The following DPP10 variants were observed in gnomAD, a reference collection of about 807,000 sequenced individuals.
DPP10 encodes inactive dipeptidyl peptidase 10.
DPP10 carries 33 observed loss-of-function variants against 120.9 expected under a neutral mutation model. The observed-to-expected ratio is 0.27, with a 90% CI of 0.21 to 0.37. DPP10 has a LOEUF of 0.37. DPP10 is among the 10% of genes least tolerant of loss of function. The probability of loss-of-function intolerance (pLI) is 1.00; values close to 1 mark genes in which losing one functional copy is unlikely to be tolerated. For synonymous variants in DPP10, 337 were observed against 326.1 expected (o/e 1.03, Z -0.36); for missense variants, 816 against 942.8 (o/e 0.87, Z 1.76).
At chr2:114,889,272 G>C (rs1019036254) in intron 1 of DPP10, among the ~76,000 whole-genome samples, 3 of 152,198 alleles carry the variant, frequency 2.0e-5, no homozygotes, top group East Asian at 1.9e-4. Context: ...TGTTCACACT[G>C]TCTCCAGCAC....
At chr2:114,905,013 A>G (rs778168605) in intron 1 of DPP10, among the ~76,000 whole-genome samples, 19 of 152,082 alleles carry the variant, frequency 1.2e-4, no homozygotes, top group Non-Finnish European at 1.8e-4. Flanking sequence ...ATTTCTAGAT[A>G]TTTTTTATTT....
intron 5 of DPP10, among the ~76,000 whole-genome samples, chr2:115,528,091 GATGGCTGGGTCAAATGA>G (rs2078241637): frequency 6.6e-6 from 1 of 152,008 alleles, no homozygotes; most frequent in East Asian, 1.9e-4. Context: ...CCAGTAATGG[GATGGCTGGGTCAAATGA>G]TATTTCTAGT....
intron 11 of DPP10, among the ~76,000 whole-genome samples, chr2:115,757,834 A>G (rs185810523): frequency 1.9e-3 from 294 of 152,282 alleles, no homozygotes; most frequent in Non-Finnish European, 3.4e-3. Context: ...AGAAAAAGCA[A>G]TTGACAATAT....
chr2:114,775,154 T>C (rs1307943540), intron 1 of DPP10, among the ~76,000 whole-genome samples: 1 of 152,102 alleles, frequency 6.6e-6, no homozygotes, highest in Non-Finnish European at 1.5e-5. Context: ...AAGAATTATA[T>C]CTGCAAAATC....
At chr2:115,067,131 T>C (rs1706906718) in intron 1 of DPP10, among the ~76,000 whole-genome samples, 1 of 152,180 alleles carries the variant, frequency 6.6e-6, no homozygotes, top group African/African-American at 2.4e-5. Context: ...GTTTTTAAGA[T>C]TGTATATGTG....
chr2:115,584,540 T>C (rs1237133298), intron 5 of DPP10, among the ~76,000 whole-genome samples: 2 of 152,224 alleles, frequency 1.3e-5, no homozygotes, highest in Admixed American at 1.3e-4. Flanking sequence ...ATTTACTGTC[T>C]GTCTCTTCAC....
intron 5 of DPP10, among the ~76,000 whole-genome samples, chr2:115,558,691 T>A (rs1046688927): frequency 6.6e-6 from 1 of 151,626 alleles, no homozygotes; most frequent in South Asian, 2.1e-4. Context: ...TAAAAAAAAA[T>A]TACTCTGGGG....
At chr2:115,308,958 A>G (rs1238396181) in intron 1 of DPP10, among the ~76,000 whole-genome samples, 1 of 152,082 alleles carries the variant, frequency 6.6e-6, no homozygotes, top group Non-Finnish European at 1.5e-5. Context: ...TATTTTGGCT[A>G]TCATCCTGGT....
intron 1 of DPP10, among the ~76,000 whole-genome samples, chr2:115,122,373 C>T (rs1056670253): frequency 1.2e-4 from 18 of 152,198 alleles, no homozygotes; most frequent in Admixed American, 6.5e-4. Flanking sequence ...TGCTGGGTAC[C>T]CCTAACCTTG....
At chr2:114,601,576 G>A (rs1205455969) in intron 1 of DPP10, among the ~76,000 whole-genome samples, 4 of 151,904 alleles carry the variant, frequency 2.6e-5, no homozygotes, top group Non-Finnish European at 4.4e-5. Context: ...AGTATAAGCA[G>A]TACATTGAAA....
At chr2:115,595,310 A>T (rs2082920087) in intron 5 of DPP10, among the ~76,000 whole-genome samples, 1 of 152,140 alleles carries the variant, frequency 6.6e-6, no homozygotes, top group Non-Finnish European at 1.5e-5. Flanking sequence ...CTATTAACTG[A>T]AAACTTTATC....
At chr2:115,337,310 T>C (rs934239957) in intron 2 of DPP10, among the ~76,000 whole-genome samples, 2 of 152,054 alleles carry the variant, frequency 1.3e-5, no homozygotes, top group Non-Finnish European at 2.9e-5. Flanking sequence ...GAAGAAGGGT[T>C]CTAGTGGCTA....
At chr2:115,203,234 G>GAA in intron 1 of DPP10, among the ~76,000 whole-genome samples, 1 of 152,258 alleles carries the variant, frequency 6.6e-6, no homozygotes, top group South Asian at 2.1e-4. Context: ...TAAGTACAAG[G>GAA]AAGAGTGTTG....
chr2:115,389,278 AACACACACACACACAC>A (rs3980953), intron 3 of DPP10, among the ~76,000 whole-genome samples: 3 of 149,644 alleles, frequency 2.0e-5, no homozygotes, highest in Admixed American at 6.7e-5. Context: ...CACACACACA[AACACACACACACACAC>A]ACACACTCAT....
chr2:115,162,579 C>G (rs1313352027), intron 1 of DPP10, among the ~76,000 whole-genome samples: 1 of 152,060 alleles, frequency 6.6e-6, no homozygotes, highest in African/African-American at 2.4e-5. Context: ...GTGTCCCAGA[C>G]ATCCGTAGTC....
chr2:115,310,780 A>G (rs13424198), intron 2 of DPP10, among the ~76,000 whole-genome samples: 13,562 of 152,234 alleles, frequency 0.089, 731 homozygotes, highest in African/African-American at 0.14. Flanking sequence ...GAAGTTTAAC[A>G]TAATTATAAA....
At chr2:114,472,620 C>T (rs771063004) in intron 1 of DPP10, among the ~76,000 whole-genome samples, 2 of 152,156 alleles carry the variant, frequency 1.3e-5, no homozygotes, top group African/African-American at 2.4e-5. Context: ...ATATTATTAT[C>T]TCAGGGGACT....
intron 5 of DPP10, among the ~76,000 whole-genome samples, chr2:115,536,446 C>T (rs963947407): frequency 2.6e-5 from 4 of 151,928 alleles, no homozygotes; most frequent in African/African-American, 7.2e-5. Context: ...CTCACTATTA[C>T]AAAAATCTGT....
intron 17 of DPP10, among the ~76,000 whole-genome samples, chr2:115,786,136 A>G (rs539334467): frequency 3.2e-4 from 48 of 152,344 alleles, no homozygotes; most frequent in African/African-American, 1.2e-3. Context: ...TGGGAGAAAC[A>G]TAAAATTACA....
Sources: allele counts gnomAD v4.1 joint callset (sites outside exome capture counted in the v4.1 genomes callset), GRCh38; gene constraint gnomAD v4.1.1; transcripts MANE v1.5; gene names NCBI Gene and HGNC (gene_info 2026-07-23, HGNC 2026-07-21).